The following DSCAM variants were observed in gnomAD, a reference collection of about 807,000 sequenced individuals.
DSCAM encodes the protein cell adhesion molecule DSCAM.
A neutral mutation model predicts 217.7 loss-of-function variants in DSCAM; 47 were observed. The observed-to-expected ratio is 0.22, with a 90% CI of 0.17 to 0.28. The LOEUF (loss-of-function observed/expected upper bound fraction) is 0.28, where lower values mean the gene tolerates loss of function less well. DSCAM is among the 10% of genes least tolerant of loss of function. The pLI is 1.00. For synonymous variants in DSCAM, 1,056 were observed against 1,015.3 expected (o/e 1.04, Z -0.76); for missense variants, 2,080 against 2,618.3 (o/e 0.79, Z 4.49).
chr21:40,452,867 G>A (rs560286865), intron 3 of DSCAM, among the ~76,000 whole-genome samples: 1 of 152,058 alleles, frequency 6.6e-6, no homozygotes, highest in African/African-American at 2.4e-5. Context: ...GTAAAATTCT[G>A]GCTTGGGCTG....
At position 40,148,739 on chromosome 21, in the gene DSCAM, CCAT is replaced by C. The variant is rs1266673515; in HGVS notation, c.3019-4011_3019-4009del. On this transcript the variant is annotated intron_variant, in intron 16 of 32. Transcript: ENST00000400454. ...ACCATCACTACTACCATCTTTACCA[CCAT>C]CATCACCACCAGCTTCATCTCTGTC... 1.3e-5 allele frequency among the ~76,000 whole-genome samples: 2 copies of C among 152,032 alleles called. 1 individual carries two copies. Among genetic ancestry groups the C allele is most frequent in the Admixed American group, 1.3e-4 (2 of 15,258 alleles).
chr21:40,677,042 T>A (rs897302529), intron 3 of DSCAM, among the ~76,000 whole-genome samples: 2 of 152,128 alleles, frequency 1.3e-5, no homozygotes, highest in African/African-American at 4.8e-5. Flanking sequence ...GAACTAAAAA[T>A]TTCACCATCT....
intron 4 of DSCAM, among the ~76,000 whole-genome samples, chr21:40,359,523 A>T (rs1310129723): frequency 6.6e-6 from 1 of 152,254 alleles, no homozygotes; most frequent in African/African-American, 2.4e-5. Flanking sequence ...ACTTAGGTAC[A>T]AATGTCCATA....
At chr21:40,162,734 A>G (rs935812834) in intron 16 of DSCAM, among the ~76,000 whole-genome samples, 1 of 152,202 alleles carries the variant, frequency 6.6e-6, no homozygotes, top group African/African-American at 2.4e-5. Context: ...CTAAATGAGA[A>G]TTTTGCTTAT....
intron 3 of DSCAM, among the ~76,000 whole-genome samples, chr21:40,582,477 C>T (rs2076913132): frequency 6.6e-6 from 1 of 152,086 alleles, no homozygotes; most frequent in Non-Finnish European, 1.5e-5. Context: ...GCAACACATT[C>T]TTAGGTTATG....
chr21:40,732,897 C>T (rs1306219182), intron 1 of DSCAM, among the ~76,000 whole-genome samples: 2 of 152,196 alleles, frequency 1.3e-5, no homozygotes, highest in Admixed American at 6.5e-5. Flanking sequence ...AGAGTCTCTG[C>T]TTTTCTATGC....
chr21:40,740,175 A>T lies in DSCAM; in HGVS notation c.44-31404T>A, dbSNP rs1198560189. Among the ~76,000 whole-genome samples the T allele has an allele frequency of 2.6e-5, 4 of 152,098 alleles. No homozygotes were observed. In the East Asian group the frequency reaches 7.7e-4, roughly 29 times the overall value. On this transcript the variant is annotated intron_variant, in intron 1 of 32. Coordinates refer to ENST00000400454, the MANE Select transcript of DSCAM (RefSeq NM_001389.5). ...TAAAATGTACAACTCCTTTGAGGAT[A>T]AAAAACTCTAAATTTAATACAGAAG...
intron 3 of DSCAM, among the ~76,000 whole-genome samples, chr21:40,509,853 G>C (rs1452797347): frequency 6.6e-6 from 1 of 152,172 alleles, no homozygotes; most frequent in East Asian, 1.9e-4. Flanking sequence ...GGCTGGGTGA[G>C]GTGGCTCATG....
In DSCAM at chr21:40,491,618, C is replaced by T. The variant is rs187457693; in HGVS notation, c.509-122373G>A. 5.9e-5 allele frequency among the ~76,000 whole-genome samples: 9 copies of T among 152,264 alleles called. No homozygotes were observed. The East Asian group carries it at 1.7e-3, about 29-fold the overall frequency. ...AACCTGTCTCCCATTTCCTCTCTGT[C>T]CTACCTACCCTCCTTCTATAAACAC... On this transcript the variant is annotated intron_variant, in intron 3 of 32. Transcript: ENST00000400454.
intron 3 of DSCAM, among the ~76,000 whole-genome samples, chr21:40,677,849 A>C (rs1156302167): frequency 6.6e-6 from 1 of 151,974 alleles, no homozygotes; most frequent in Non-Finnish European, 1.5e-5. Flanking sequence ...CCAGACACCA[A>C]ATCTACCCAC....
intron 3 of DSCAM, among the ~76,000 whole-genome samples, chr21:40,611,006 T>A (rs2146278350): frequency 6.6e-6 from 1 of 151,990 alleles, no homozygotes; most frequent in South Asian, 2.1e-4. Context: ...GTTTCAGATT[T>A]TCAAAAAGTC....
At chr21:40,689,416 G>A (rs997124067) in intron 3 of DSCAM, among the ~76,000 whole-genome samples, 9 of 152,148 alleles carry the variant, frequency 5.9e-5, no homozygotes, top group African/African-American at 1.7e-4. Flanking sequence ...GTCACACTTC[G>A]CCCTGAGCCC....
At chr21:40,455,046 C>T (rs957778375) in intron 3 of DSCAM, among the ~76,000 whole-genome samples, 6 of 152,184 alleles carry the variant, frequency 3.9e-5, no homozygotes, top group African/African-American at 1.4e-4. Context: ...TCCTACTAAT[C>T]TAGTTATGCT....
At chr21:40,106,368 G>T (rs2089820950) in intron 20 of DSCAM, among the ~76,000 whole-genome samples, 1 of 152,140 alleles carries the variant, frequency 6.6e-6, no homozygotes, top group Admixed American at 6.6e-5. Flanking sequence ...GCTGGATTCA[G>T]TTTTTCAGTA....
intron 10 of DSCAM, among the ~76,000 whole-genome samples, chr21:40,295,006 G>A (rs1440051356): frequency 6.6e-6 from 1 of 152,146 alleles, no homozygotes; most frequent in Non-Finnish European, 1.5e-5. Context: ...AGAGATGCCA[G>A]GAGGGTTGCA....
intron 1 of DSCAM, among the ~76,000 whole-genome samples, chr21:40,842,984 G>A (rs542369240): frequency 9.8e-5 from 15 of 152,308 alleles, no homozygotes; most frequent in African/African-American, 3.1e-4. Context: ...TGAGATTATG[G>A]ATAGCTTTTT....
At chr21:40,388,831 T>C (rs2075109705) in intron 3 of DSCAM, among the ~76,000 whole-genome samples, 1 of 152,200 alleles carries the variant, frequency 6.6e-6, no homozygotes, top group Non-Finnish European at 1.5e-5. Flanking sequence ...AATCTTGCTT[T>C]TTAATTTCAT....
intron 11 of DSCAM, among the ~76,000 whole-genome samples, chr21:40,272,289 A>G (rs993889820): frequency 6.6e-6 from 1 of 152,160 alleles, no homozygotes; most frequent in African/African-American, 2.4e-5. Flanking sequence ...CATGATAATT[A>G]TTTTGGGTAA....
rs529746812 is a variant in DSCAM, at chr21:40,671,301, T to C, written c.508+21509A>G. On this transcript the variant is annotated intron_variant, in intron 3 of 32. Transcript: ENST00000400454. ...CAAAGTTTGAACACTGTAAAACTTA[T>C]AAGGAGAACAGATAATTTCTTCAAA... Among the ~76,000 whole-genome samples the C allele has an allele frequency of 5.3e-5, 8 of 152,304 alleles. No individual in the cohort carries two copies. The South Asian group carries it at 1.5e-3, about 28-fold the overall frequency.
Sources: allele counts gnomAD v4.1 joint callset (sites outside exome capture counted in the v4.1 genomes callset), GRCh38; gene constraint gnomAD v4.1.1; transcripts MANE v1.5; gene names NCBI Gene and HGNC (gene_info 2026-07-23, HGNC 2026-07-21).